SYT9: variants seen among roughly 807,000 people sequenced by gnomAD.
The protein encoded by SYT9 is synaptotagmin-9.
In SYT9, 22 loss-of-function variants were observed where a neutral mutation model predicts 48.4. That is an observed-to-expected ratio of 0.45 (90% CI 0.32 to 0.65). SYT9 has a LOEUF of 0.65. Among genes scored for constraint, SYT9 ranks in the 30% least tolerant of loss-of-function variants. The pLI, the probability that SYT9 is intolerant of heterozygous loss-of-function variation, is 0.03. For missense variants in SYT9, 577 were observed against 622.0 expected (o/e 0.93, Z 0.77); for synonymous variants, 265 against 245.0 (o/e 1.08, Z -0.76).
chr11:7,439,997 C>T (rs2134132159), intron 6 of SYT9: 1 of 152,316 alleles, frequency 6.6e-6, no homozygotes, highest in African/African-American at 2.4e-5. Flanking sequence ...TTCTCTTGGG[C>T]TTCTCTAAGA....
chr11:7,302,640 A>G (rs572906881), intron 1 of SYT9, among the ~76,000 whole-genome samples: 18 of 152,374 alleles, frequency 1.2e-4, no homozygotes, highest in South Asian at 1.0e-3. Flanking sequence ...GCTCTCTGAG[A>G]TGACAGAATA....
intron 3 of SYT9, among the ~76,000 whole-genome samples, chr11:7,318,133 A>G (rs1020939073): frequency 2.0e-5 from 3 of 152,110 alleles, no homozygotes; most frequent in Non-Finnish European, 4.4e-5. Flanking sequence ...TTTTTTATTC[A>G]AAGCCTATAA....
chr11:7,296,024 A>T (rs544410849), intron 1 of SYT9, among the ~76,000 whole-genome samples: 9 of 152,182 alleles, frequency 5.9e-5, no homozygotes, highest in Non-Finnish European at 1.2e-4. Context: ...AGGAAGCCTC[A>T]GTATTTAGTA....
At chr11:7,301,164 G>T (rs1458850934) in intron 1 of SYT9, among the ~76,000 whole-genome samples, 2 of 152,216 alleles carry the variant, frequency 1.3e-5, no homozygotes, top group East Asian at 3.9e-4. Flanking sequence ...GGGATTTGAG[G>T]AGACAAAAGT....
chr11:7,453,574 G>T (rs1848098507), intron 6 of SYT9, among the ~76,000 whole-genome samples: 1 of 152,214 alleles, frequency 6.6e-6, no homozygotes, highest in South Asian at 2.1e-4. Flanking sequence ...CAGAAAATAG[G>T]TCATCACAAG....
At chr11:7,374,875 G>C (rs1850425444) in intron 3 of SYT9, among the ~76,000 whole-genome samples, 1 of 152,114 alleles carries the variant, frequency 6.6e-6, no homozygotes, top group African/African-American at 2.4e-5. Context: ...TAGGTTGCCT[G>C]TTCACTCTGA....
intron 3 of SYT9, among the ~76,000 whole-genome samples, chr11:7,331,414 T>A (rs964096809): frequency 2.6e-5 from 4 of 151,844 alleles, no homozygotes; most frequent in African/African-American, 9.7e-5. Flanking sequence ...TTGTATGTAT[T>A]GTAAGAAATC....
At chr11:7,293,347 A>G (rs915086133) in intron 1 of SYT9, among the ~76,000 whole-genome samples, 1 of 152,162 alleles carries the variant, frequency 6.6e-6, no homozygotes. Flanking sequence ...CAAACTTCTT[A>G]TATTTAAGGC....
intron 6 of SYT9, among the ~76,000 whole-genome samples, chr11:7,432,581 A>AT (rs1847618344): frequency 2.3e-3 from 7 of 3,076 alleles, no homozygotes; most frequent in Non-Finnish European, 3.8e-3. Flanking sequence ...AAAAAAAAAA[A>AT]AATATATATA....
intron 3 of SYT9, among the ~76,000 whole-genome samples, chr11:7,367,072 CTTTTTTTTTTTTT>C (rs35502843): frequency 1.9e-5 from 1 of 53,266 alleles, no homozygotes; most frequent in Non-Finnish European, 3.6e-5. Flanking sequence ...AGGAGACCAT[CTTTTTTTTTTTTT>C]TTTTTTTTTT....
intron 1 of SYT9, among the ~76,000 whole-genome samples, chr11:7,298,475 A>T (rs1385566363): frequency 6.6e-6 from 1 of 151,440 alleles, no homozygotes; most frequent in Non-Finnish European, 1.5e-5. Context: ...CAGCTTGGTT[A>T]CCTCTTTTGA....
At chr11:7,380,871 G>A (rs191617269) in intron 3 of SYT9, among the ~76,000 whole-genome samples, 1 of 152,046 alleles carries the variant, frequency 6.6e-6, no homozygotes, top group Non-Finnish European at 1.5e-5. Flanking sequence ...TGACTTTTTA[G>A]GCCCTCAGAT....
At chr11:7,344,781 T>C (rs190879585) in intron 3 of SYT9, among the ~76,000 whole-genome samples, 32 of 152,324 alleles carry the variant, frequency 2.1e-4, no homozygotes, top group Admixed American at 8.5e-4. Flanking sequence ...CTAGCTTTAC[T>C]CCAATATCAC....
chr11:7,239,682 G>T lies in SYT9; in HGVS notation c.49+766G>T, dbSNP rs559338578. Among the ~76,000 whole-genome samples, 3 of 152,260 alleles carry T rather than the reference G, an allele frequency of 2.0e-5. No homozygotes were observed. In the South Asian group the frequency reaches 6.2e-4, roughly 32 times the overall value. ...TTACAGGGTCCAGGCAGAGGGTGAT[G>T]GTGGTTCGTATTAGGGTAATGGAGT... is the stretch of plus-strand genomic sequence containing the variant. On this transcript the variant is annotated intron_variant and NMD_transcript_variant, in intron 1 of 8. Transcript: ENST00000524820.
chr11:7,450,419 G>A (rs1848026164), intron 6 of SYT9: 1 of 152,198 alleles, frequency 6.6e-6, no homozygotes, highest in South Asian at 2.1e-4. Flanking sequence ...TGCGCTGGAA[G>A]ACGGGGGCTT....
chr11:7,401,566 G>C (rs1846893572), intron 3 of SYT9, among the ~76,000 whole-genome samples: 1 of 151,554 alleles, frequency 6.6e-6, no homozygotes, highest in African/African-American at 2.4e-5. Context: ...TTCTTTAGTA[G>C]ATATAAGACT....
intron 1 of SYT9, among the ~76,000 whole-genome samples, chr11:7,294,043 A>G (rs1170712616): frequency 6.6e-6 from 1 of 152,194 alleles, no homozygotes; most frequent in Non-Finnish European, 1.5e-5. Context: ...AGTTCTGGAG[A>G]CTGGAAAATT....
intron 3 of SYT9, among the ~76,000 whole-genome samples, chr11:7,401,475 G>A (rs898169385): frequency 4.0e-5 from 6 of 151,644 alleles, no homozygotes; most frequent in Non-Finnish European, 8.8e-5. Flanking sequence ...TTGTTTTCTG[G>A]AAAAGCTGTG....
chr11:7,320,465 T>G (rs1259342218), intron 3 of SYT9, among the ~76,000 whole-genome samples: 1 of 152,222 alleles, frequency 6.6e-6, no homozygotes, highest in Non-Finnish European at 1.5e-5. Flanking sequence ...TTGTTCAATT[T>G]TCTTTCTATA....
Sources: gnomAD v4.1 joint callset for allele counts (sites outside exome capture counted in the v4.1 genomes callset) on GRCh38, gnomAD v4.1.1 for gene constraint, MANE v1.5 for transcripts, NCBI Gene and HGNC (gene_info 2026-07-23, HGNC 2026-07-21) for gene names.